The following AFG2A variants were observed in gnomAD, a reference collection of about 807,000 sequenced individuals.
AFG2A encodes AAA ATPase AFG2A.
At chr4:122,925,658 T>C in the AFG2A span, among the ~76,000 whole-genome samples, 3 of 152,214 alleles carry the variant, frequency 2.0e-5, no homozygotes, top group East Asian at 5.8e-4. Context: ...ATCACTTCCT[T>C]TGAGAAACAT....
At chr4:123,093,584 C>G in the AFG2A span, among the ~76,000 whole-genome samples, 4 of 152,298 alleles carry the variant, frequency 2.6e-5, no homozygotes, top group South Asian at 8.3e-4. Context: ...CACCAGAAAA[C>G]AAGTCTTGTT....
the AFG2A span, among the ~76,000 whole-genome samples, chr4:123,244,733 C>T: frequency 6.6e-6 from 1 of 152,110 alleles, no homozygotes; most frequent in African/African-American, 2.4e-5. Context: ...GAGTTAAAAA[C>T]CTTAGTTATC....
the AFG2A span, among the ~76,000 whole-genome samples, chr4:123,211,083 G>A: frequency 2.0e-4 from 31 of 152,216 alleles, no homozygotes; most frequent in African/African-American, 7.5e-4. Flanking sequence ...TCTCCAAAGA[G>A]TTTGAAATGT....
chr4:123,012,638 G>C, the AFG2A span, among the ~76,000 whole-genome samples: 6 of 152,290 alleles, frequency 3.9e-5, no homozygotes, highest in African/African-American at 1.4e-4. Flanking sequence ...CGGCGCTGGA[G>C]TTTTCGGTCC....
chr4:123,097,081 T>A, the AFG2A span, among the ~76,000 whole-genome samples: 1 of 152,188 alleles, frequency 6.6e-6, no homozygotes, highest in African/African-American at 2.4e-5. Flanking sequence ...AGCAATCTCC[T>A]GCCTCAGCCT....
chr4:123,250,452 A>C, the AFG2A span, among the ~76,000 whole-genome samples: 2 of 152,184 alleles, frequency 1.3e-5, no homozygotes, highest in Non-Finnish European at 2.9e-5. Flanking sequence ...AGGCCCATTT[A>C]AAAGGTCATC....
chr4:122,960,865 A>C, the AFG2A span, among the ~76,000 whole-genome samples: 2 of 152,178 alleles, frequency 1.3e-5, no homozygotes, highest in Non-Finnish European at 2.9e-5. Flanking sequence ...TCCAACTCTT[A>C]TGAAAGGTTC....
the AFG2A span, among the ~76,000 whole-genome samples, chr4:123,151,014 G>A: frequency 6.6e-5 from 10 of 152,160 alleles, no homozygotes; most frequent in Non-Finnish European, 1.0e-4. Flanking sequence ...AACAAGCAAT[G>A]GGGAAAGGAT....
At chr4:123,167,464 C>T in the AFG2A span, among the ~76,000 whole-genome samples, 1 of 152,062 alleles carries the variant, frequency 6.6e-6, no homozygotes, top group Non-Finnish European at 1.5e-5. Flanking sequence ...TCTCCTTCCT[C>T]AGTCTCCCAA....
At chr4:123,064,322 G>A in the AFG2A span, among the ~76,000 whole-genome samples, 1 of 152,232 alleles carries the variant, frequency 6.6e-6, no homozygotes, top group Middle Eastern at 3.4e-3. Context: ...AGGGAGGAAG[G>A]GGAGTTGAAT....
At chr4:122,951,459 C>T in the AFG2A span, among the ~76,000 whole-genome samples, 2 of 150,356 alleles carry the variant, frequency 1.3e-5, no homozygotes, top group African/African-American at 4.9e-5. Flanking sequence ...CACACACACA[C>T]GCACGCACAC....
the AFG2A span, among the ~76,000 whole-genome samples, chr4:123,069,936 G>C: frequency 6.6e-6 from 1 of 152,186 alleles, no homozygotes; most frequent in South Asian, 2.1e-4. Context: ...ATGCCTCATA[G>C]TTATGAAGGA....
the AFG2A span, among the ~76,000 whole-genome samples, chr4:123,025,250 A>G: frequency 6.6e-6 from 1 of 152,220 alleles, no homozygotes; most frequent in Non-Finnish European, 1.5e-5. Context: ...TCTGATTACA[A>G]GGAAAAATAT....
chr4:123,230,116 A>G, the AFG2A span, among the ~76,000 whole-genome samples: 4 of 151,928 alleles, frequency 2.6e-5, no homozygotes, highest in Non-Finnish European at 5.9e-5. Flanking sequence ...TGAAGTGGCT[A>G]TGGCAGTTTC....
the AFG2A span, among the ~76,000 whole-genome samples, chr4:123,126,856 C>G: frequency 6.6e-6 from 1 of 152,118 alleles, no homozygotes; most frequent in Non-Finnish European, 1.5e-5. Context: ...GGAACTAATA[C>G]AGAGATCAAA....
the AFG2A span, among the ~76,000 whole-genome samples, chr4:123,235,028 ATAT>A: frequency 6.6e-6 from 1 of 152,300 alleles, no homozygotes; most frequent in South Asian, 2.1e-4. Flanking sequence ...TCACATGCAC[ATAT>A]TATTGTTGTC....
At chr4:122,961,694 G>A in the AFG2A span, among the ~76,000 whole-genome samples, 4 of 152,068 alleles carry the variant, frequency 2.6e-5, 1 homozygote, top group African/African-American at 7.2e-5. Flanking sequence ...TAATAGAGAC[G>A]GGGTTCCACC....
the AFG2A span, among the ~76,000 whole-genome samples, chr4:123,136,444 G>T: frequency 6.6e-6 from 1 of 152,014 alleles, no homozygotes; most frequent in Middle Eastern, 3.4e-3. Flanking sequence ...CTAGACGGGC[G>T]GATCACGAGG....
the AFG2A span, among the ~76,000 whole-genome samples, chr4:122,944,988 C>T: frequency 6.6e-6 from 1 of 152,176 alleles, no homozygotes; most frequent in South Asian, 2.1e-4. Context: ...TCTGATCGTT[C>T]CTCTGGAAGT....
Sources: allele counts gnomAD v4.1 joint callset (sites outside exome capture counted in the v4.1 genomes callset), GRCh38; gene constraint gnomAD v4.1.1; transcripts MANE v1.5; gene names NCBI Gene and HGNC (gene_info 2026-07-23, HGNC 2026-07-21).